The following FAM228B variants were observed in gnomAD, a reference collection of about 807,000 sequenced individuals.
The protein encoded by FAM228B is family with sequence similarity 228 member B.
Under a neutral mutation model 42.6 loss-of-function variants are expected in FAM228B, and 38 were observed. The ratio of observed to expected loss-of-function variants is 0.89; its 90% CI spans 0.69 to 1.17. The LOEUF is 1.17. FAM228B is among the 50% of genes most tolerant of loss of function. FAM228B has a pLI of 0.00. For synonymous variants in FAM228B, 109 were observed against 122.3 expected (o/e 0.89, Z 0.72); for missense variants, 344 against 367.3 (o/e 0.94, Z 0.52).
At chr2:24,090,652 T>C (rs528609198) in intron 2 of FAM228B, among the ~76,000 whole-genome samples, 1 of 149,878 alleles carries the variant, frequency 6.7e-6, no homozygotes, top group Admixed American at 6.6e-5. Context: ...AGTCTATCAA[T>C]ACAACCCCAA....
At chr2:24,094,634 G>A in intron 2 of FAM228B, among the ~76,000 whole-genome samples, 1 of 152,158 alleles carries the variant, frequency 6.6e-6, no homozygotes, top group East Asian at 1.9e-4. Context: ...ATAGGCACAT[G>A]ACACCATGCC....
intron 3 of FAM228B, among the ~76,000 whole-genome samples, chr2:24,098,646 T>C (rs1004810990): frequency 2.0e-5 from 3 of 152,078 alleles, no homozygotes; most frequent in Non-Finnish European, 4.4e-5. Flanking sequence ...ATTAATAGCC[T>C]ACCAACCAAA....
intron 3 of FAM228B, chr2:24,115,546 A>G: frequency 1.3e-6 from 2 of 1,582,168 alleles, no homozygotes; most frequent in South Asian, 2.2e-5. Context: ...ATTTTCTTCT[A>G]AAATAATAAA....
chr2:24,132,449 T>G (rs911491764), intron 2 of FAM228B, among the ~76,000 whole-genome samples: 1 of 146,942 alleles, frequency 6.8e-6, no homozygotes, highest in Non-Finnish European at 1.5e-5. Context: ...CATGAATCCC[T>G]CTGGTCCTGG....
At chr2:24,079,503 T>C (rs1664905305) in intron 1 of FAM228B, 1 of 1,614,146 alleles carries the variant, frequency 6.2e-7, no homozygotes, top group Non-Finnish European at 8.5e-7. Flanking sequence ...AAAAGTAGCT[T>C]TGAAAACAGG....
chr2:24,164,283 G>C lies in FAM228B; in HGVS notation c.880G>C (p.Gly294Arg), dbSNP rs1200386781. 1.3e-6 allele frequency: 2 copies of C among 1,551,266 alleles called. No individual in the cohort carries two copies. Among genetic ancestry groups the C allele is most frequent in the Non-Finnish European group, 1.7e-6 (2 of 1,146,818 alleles). Residue 294 changes from glycine to arginine, a missense_variant, in exon 9 of 11, where the codon GGG (glycine) becomes CGG (arginine). Gly to Arg is a moderately radical substitution (Grantham distance 125). Transcript: ENST00000615575. ...AAGTGCCAAAGAGGCCATCTCTGAA[G>C]GGTATTTTTCTTCCTTGAGCCTCAG... ...NPSAKEAISE[G>R]YFSSLSLSQE...
At position 24,084,191 on chromosome 2, in the gene FAM228B, G is replaced by T; in HGVS notation, c.-210+3236G>T. The T allele has an allele frequency of 6.2e-7, 1 of 1,611,738 alleles. No homozygotes were observed. ...CGGCGCGGCTGAGCCCTGGGTACCT[G>T]CATTAAGTCCGCCCGGTTCAGGGCG... is the stretch of plus-strand genomic sequence containing the variant. On this transcript the variant is annotated intron_variant, in intron 2 of 10. Transcript: ENST00000613899. This position sits in a 1 kb window ranked among gnomAD's most constrained non-coding sequence, Gnocchi z 8.4.
At chr2:24,129,306 C>CTTTTTTTT (rs57641483) in intron 2 of FAM228B, among the ~76,000 whole-genome samples, 3 of 139,434 alleles carry the variant, frequency 2.2e-5, no homozygotes, top group Non-Finnish European at 1.6e-5. Context: ...TCTATTTTAT[C>CTTTTTTTT]TTTTTTTTTT....
At chr2:24,082,785 A>G (rs984581124) in intron 2 of FAM228B, 12 of 1,426,450 alleles carry the variant, frequency 8.4e-6, no homozygotes, top group Non-Finnish European at 1.1e-5. Context: ...GTGATACAGG[A>G]AGGCCTGGGA....
intron 3 of FAM228B, among the ~76,000 whole-genome samples, chr2:24,099,586 GAACTACAA>G (rs1032324539): frequency 1.3e-3 from 191 of 152,252 alleles, no homozygotes; most frequent in African/African-American, 4.4e-3. Context: ...TCTTCAAGGA[GAACTACAA>G]ACCACTGCTC....
At chr2:24,106,698 A>G (rs1665705766) in intron 3 of FAM228B, among the ~76,000 whole-genome samples, 1 of 152,144 alleles carries the variant, frequency 6.6e-6, no homozygotes, top group Non-Finnish European at 1.5e-5. Context: ...GTGAAGGAGA[A>G]ATAAGATGAT....
At chr2:24,134,307 C>G (rs1666526378) in intron 2 of FAM228B, among the ~76,000 whole-genome samples, 1 of 152,124 alleles carries the variant, frequency 6.6e-6, no homozygotes, top group South Asian at 2.1e-4. Context: ...GAAAGTCTTT[C>G]TAAGACCTTG....
chr2:24,136,166 A>G (rs1666582483), intron 3 of FAM228B, among the ~76,000 whole-genome samples: 1 of 141,900 alleles, frequency 7.0e-6, no homozygotes, highest in African/African-American at 2.6e-5. Flanking sequence ...GGCTCAAGTG[A>G]TTCTCCTGCC....
chr2:24,119,135 C>A (rs927092950), upstream of FAM228B, among the ~76,000 whole-genome samples: 1 of 152,000 alleles, frequency 6.6e-6, no homozygotes, highest in African/African-American at 2.4e-5. Flanking sequence ...ATAGGGTAGA[C>A]CCCCAGCAGC....
intron 2 of FAM228B, 56 bp from the exon 3 acceptor site, chr2:24,135,063 A>G (rs1666548184): frequency 6.5e-6 from 7 of 1,073,220 alleles, no homozygotes; most frequent in Non-Finnish European, 9.6e-6. Flanking sequence ...ATGATTCCAG[A>G]TAGCACTAAT....
In FAM228B at chr2:24,169,007, T is replaced by C. The variant is rs1667502659; in HGVS notation, c.*15-349T>C. ...GAAGAGAAAAGGGAAGAAAGGAACC[T>C]AGTATTTTCTAAATCACAACAATCC... On this transcript the variant is annotated intron_variant, in intron 10 of 10. Transcript: ENST00000615575. The surrounding 1 kb of genome is among the most constrained non-coding windows in gnomAD (Gnocchi z 4.2). Among the ~76,000 whole-genome samples, 1 of 152,196 alleles carries C rather than the reference T, an allele frequency of 6.6e-6. No individual in the cohort carries two copies. Among genetic ancestry groups the C allele is most frequent in the African/African-American group, 2.4e-5 (1 of 41,438 alleles).
intron 7 of FAM228B, among the ~76,000 whole-genome samples, chr2:24,147,460 A>G (rs1028979018): frequency 6.6e-6 from 1 of 151,890 alleles, no homozygotes; most frequent in Non-Finnish European, 1.5e-5. Flanking sequence ...CACTTCAAAT[A>G]TTTCTTATTT....
chr2:24,118,273 A>C (rs142910376), intron 3 of FAM228B, among the ~76,000 whole-genome samples: 29 of 152,250 alleles, frequency 1.9e-4, no homozygotes, highest in African/African-American at 6.7e-4. Flanking sequence ...CCTCCTTCAA[A>C]TCCTGACATC....
rs1664802963 is a variant in FAM228B, at chr2:24,077,530, G to C, written c.-290+561G>C. 6.4e-7 allele frequency: 1 copy of C among 1,558,672 alleles called. No individual in the cohort carries two copies. Among genetic ancestry groups the C allele is most frequent in the African/African-American group, 1.4e-5 (1 of 72,368 alleles). On this transcript the variant is annotated intron_variant, in intron 1 of 10. Transcript: ENST00000613899. The surrounding 1 kb of genome is among the most constrained non-coding windows in gnomAD (Gnocchi z 5.5). ...TCTATTGTGAATCTTCTCCAGGTTTGCTCTGGAAAGGCCTGGGGTGGCCGC... is the reference window on the plus strand; with the variant it reads ...TCTATTGTGAATCTTCTCCAGGTTTCCTCTGGAAAGGCCTGGGGTGGCCGC...
Sources: allele counts gnomAD v4.1 joint callset (sites outside exome capture counted in the v4.1 genomes callset), GRCh38; gene constraint gnomAD v4.1.1; non-coding constraint Gnocchi (gnomAD v3.1); transcripts MANE v1.5; gene names NCBI Gene and HGNC (gene_info 2026-07-23, HGNC 2026-07-21).